TRPM3: variants seen among roughly 807,000 people sequenced by gnomAD.
The protein encoded by TRPM3 is long transient receptor potential channel 3.
In TRPM3, 77 loss-of-function variants were observed where a neutral mutation model predicts 181.2. The ratio of observed to expected loss-of-function variants is 0.42; its 90% CI spans 0.35 to 0.51. The LOEUF is 0.51. TRPM3 is among the 20% of genes least tolerant of loss of function. TRPM3 has a pLI of 0.01. For missense variants in TRPM3, 1,759 were observed against 2,196.7 expected (o/e 0.80, Z 3.98); for synonymous variants, 745 against 796.4 (o/e 0.94, Z 1.09).
intron 1 of TRPM3, among the ~76,000 whole-genome samples, chr9:71,082,545 T>C (rs1749073083): frequency 1.3e-5 from 2 of 152,170 alleles, no homozygotes; most frequent in African/African-American, 2.4e-5. Context: ...TCACAAACAC[T>C]GTTAAATGAT....
chr9:71,113,654 T>C (rs2071642613), intron 1 of TRPM3, among the ~76,000 whole-genome samples: 2 of 152,182 alleles, frequency 1.3e-5, no homozygotes, highest in Admixed American at 6.5e-5. Flanking sequence ...GCATGATCCC[T>C]TAAAAAATAA....
intron 1 of TRPM3, among the ~76,000 whole-genome samples, chr9:71,220,466 C>A (rs1405355163): frequency 1.3e-5 from 2 of 151,610 alleles, no homozygotes; most frequent in Admixed American, 1.3e-4. Context: ...TTCCAATAGC[C>A]TTTATTAACT....
chr9:71,358,657 C>T (rs1020982482), intron 1 of TRPM3, among the ~76,000 whole-genome samples: 1 of 152,114 alleles, frequency 6.6e-6, no homozygotes, highest in South Asian at 2.1e-4. Flanking sequence ...AAAGAAAGAA[C>T]AGAACAGAAG....
At chr9:71,236,828 C>T (rs2081375246) in intron 1 of TRPM3, among the ~76,000 whole-genome samples, 1 of 152,054 alleles carries the variant, frequency 6.6e-6, no homozygotes, top group African/African-American at 2.4e-5. Flanking sequence ...GGGCAGATAA[C>T]CTGAGGTCAG....
At chr9:71,288,886 T>C (rs1532804) in intron 1 of TRPM3, among the ~76,000 whole-genome samples, 34,108 of 151,796 alleles carry the variant, frequency 0.22, 4,264 homozygotes, top group African/African-American at 0.31. Flanking sequence ...AGAGAGACAG[T>C]GGGGCATGCA....
intron 1 of TRPM3, among the ~76,000 whole-genome samples, chr9:71,272,249 G>A (rs1460812773): frequency 6.6e-6 from 1 of 152,010 alleles, no homozygotes; most frequent in African/African-American, 2.4e-5. Context: ...GGTATTGAGA[G>A]AAACTGACTA....
At chr9:70,781,088 G>A (rs970323765) in intron 7 of TRPM3, among the ~76,000 whole-genome samples, 5 of 152,058 alleles carry the variant, frequency 3.3e-5, no homozygotes, top group African/African-American at 1.2e-4. Flanking sequence ...CACTTTGGGA[G>A]GCCAGGGTGG....
At chr9:71,420,800 A>AG (rs1491419978) in intron 1 of TRPM3, among the ~76,000 whole-genome samples, 159 of 7,952 alleles carry the variant, frequency 0.02, 10 homozygotes, top group African/African-American at 0.038. Flanking sequence ...AGAGAGAAAG[A>AG]AAGAGAGAAA....
At chr9:70,750,197 T>A (rs2075881298) in intron 8 of TRPM3, among the ~76,000 whole-genome samples, 1 of 152,164 alleles carries the variant, frequency 6.6e-6, no homozygotes, top group South Asian at 2.1e-4. Flanking sequence ...ATGCTCGCAG[T>A]TTCATGTGAT....
At chr9:70,842,789 G>A in intron 5 of TRPM3, 1 of 502,708 alleles carries the variant, frequency 2.0e-6, no homozygotes, top group Middle Eastern at 5.2e-4. Context: ...TCTTACTTTG[G>A]ACCTTTCTTG....
At position 70,801,352 on chromosome 9, in the gene TRPM3, G is replaced by A. The variant is rs188245739; in HGVS notation, c.974-17073C>T. Among the ~76,000 whole-genome samples, 100 of 152,148 alleles carry A rather than the reference G, an allele frequency of 6.6e-4. 1 individual carries two copies. The highest frequency in any genetic ancestry group is 2.2e-3 in the African/African-American group (93 of 41,512). On this transcript the variant is annotated intron_variant, in intron 6 of 25. Coordinates refer to ENST00000677713, the MANE Select transcript of TRPM3 (RefSeq NM_001366145.2). ...CTGGTTTCCTGGGATCAAGTTTCTC[G>A]CTCCGTCTAAATCACAGCTGTTCAT...
In TRPM3 at chr9:71,019,717, G is replaced by T. The variant is rs192384279; in HGVS notation, c.177+101461C>A. On this transcript the variant is annotated intron_variant, in intron 1 of 25. Coordinates refer to ENST00000677713, the MANE Select transcript of TRPM3 (RefSeq NM_001366145.2). ...TTCCCAAGAGGATTTTTACAAATTG[G>T]CAATCTGATTCTAGAATTTAAATGA... Among the ~76,000 whole-genome samples the T allele has an allele frequency of 4.7e-3, 716 of 152,052 alleles. 8 individuals carry two copies. Among genetic ancestry groups the T allele is most frequent in the Middle Eastern group, 6.8e-3 (2 of 294 alleles).
At chr9:70,916,212 A>G (rs982814258) in intron 1 of TRPM3, among the ~76,000 whole-genome samples, 1 of 152,244 alleles carries the variant, frequency 6.6e-6, no homozygotes, top group Admixed American at 6.5e-5. Context: ...GAGGGATTTC[A>G]TCAACACCAG....
intron 1 of TRPM3, among the ~76,000 whole-genome samples, chr9:71,229,300 A>G (rs1035666826): frequency 6.6e-6 from 1 of 152,156 alleles, no homozygotes; most frequent in African/African-American, 2.4e-5. Context: ...ATCTCTCACC[A>G]TATACAAAAA....
chr9:70,679,122 GT>G (rs1414662578), intron 9 of TRPM3, among the ~76,000 whole-genome samples: 2 of 152,128 alleles, frequency 1.3e-5, no homozygotes, highest in African/African-American at 4.8e-5. Flanking sequence ...TCATTAGTAG[GT>G]TGTGAAATCA....
chr9:70,972,131 CATAG>C (rs1564875734), intron 1 of TRPM3, among the ~76,000 whole-genome samples: 1 of 152,120 alleles, frequency 6.6e-6, no homozygotes, highest in Non-Finnish European at 1.5e-5. Context: ...TAAACTTGTA[CATAG>C]ATATTCATAG....
At chr9:71,278,614 A>G (rs1323632619) in intron 1 of TRPM3, among the ~76,000 whole-genome samples, 5 of 152,214 alleles carry the variant, frequency 3.3e-5, no homozygotes, top group African/African-American at 9.6e-5. Flanking sequence ...CAAACTCTCT[A>G]GATATGACAT....
intron 5 of TRPM3, among the ~76,000 whole-genome samples, chr9:70,832,894 C>T (rs1393093838): frequency 6.6e-6 from 1 of 152,144 alleles, no homozygotes; most frequent in Non-Finnish European, 1.5e-5. Context: ...CATTTGTTTA[C>T]TTATTAAGAA....
At chr9:70,751,594 AGAG>A (rs1402672431) in intron 8 of TRPM3, among the ~76,000 whole-genome samples, 3 of 152,196 alleles carry the variant, frequency 2.0e-5, no homozygotes, top group Non-Finnish European at 4.4e-5. Flanking sequence ...CGTAAGGAAA[AGAG>A]GAGGAGAAAC....
Sources: gnomAD v4.1 joint callset for allele counts (sites outside exome capture counted in the v4.1 genomes callset) on GRCh38, gnomAD v4.1.1 for gene constraint, MANE v1.5 for transcripts, NCBI Gene and HGNC (gene_info 2026-07-23, HGNC 2026-07-21) for gene names.